Variants in ANKFN1 observed in about 807,000 individuals in gnomAD.
ANKFN1 encodes ankyrin repeat and fibronectin type-III domain-containing protein 1.
In ANKFN1, 74 loss-of-function variants were observed where a neutral mutation model predicts 108.7. The observed-to-expected ratio is 0.68, with a 90% CI of 0.56 to 0.83. The LOEUF (loss-of-function observed/expected upper bound fraction) is 0.83. ANKFN1 is among the 40% of genes least tolerant of loss of function. ANKFN1 has a pLI of 0.00. For missense variants in ANKFN1, 1,505 were observed against 1,382.3 expected, an observed-to-expected ratio of 1.09 and a Z score of -1.41; for synonymous variants, 547 against 516.2, an observed-to-expected ratio of 1.06 and a Z score of -0.81.
Position 56,484,826 on chromosome 17 carries a change from G to A in ANKFN1, c.2260+2302G>A, listed in dbSNP as rs75306539. Among the ~76,000 whole-genome samples, 117 of 152,286 alleles carry A rather than the reference G, an allele frequency of 7.7e-4. 4 individuals are homozygous for A. In the East Asian group the frequency reaches 0.011, roughly 14 times the overall value. The stretch of plus-strand genomic sequence containing the variant: ...CAGTCATTGTTATTCCATGATTACA[G>A]GCAAAAATACATGAAATTCATTTCC... On this transcript the variant is annotated intron_variant, in intron 18 of 20. Coordinates refer to ENST00000682825, the MANE Select transcript of ANKFN1 (RefSeq NM_001370326.1).
chr17:56,213,746 C>G (rs1360162732), intron 2 of ANKFN1, among the ~76,000 whole-genome samples: 1 of 152,230 alleles, frequency 6.6e-6, no homozygotes, highest in Non-Finnish European at 1.5e-5. Flanking sequence ...TTTGGGATTT[C>G]AGTCCACATA....
intron 11 of ANKFN1, 137 bp from the exon 12 acceptor site, chr17:56,456,724 C>G (rs1398405397): frequency 4.3e-6 from 3 of 703,734 alleles, no homozygotes; most frequent in Admixed American, 4.6e-5. Context: ...CATGAATGAG[C>G]AGAATCCCTA....
intron 3 of ANKFN1, among the ~76,000 whole-genome samples, chr17:56,306,190 A>G (rs1439671869): frequency 2.6e-5 from 4 of 152,234 alleles, no homozygotes; most frequent in African/African-American, 9.6e-5. Context: ...ATACCTAAAA[A>G]ACGTCTTGCT....
chr17:56,459,433 ATCTTC>A (rs2049829620), intron 14 of ANKFN1, among the ~76,000 whole-genome samples: 1 of 152,054 alleles, frequency 6.6e-6, no homozygotes, highest in Non-Finnish European at 1.5e-5. Context: ...TGATTGCATA[ATCTTC>A]TCTTCCAACT....
chr17:56,259,388 G>GA (rs1344295707), intron 3 of ANKFN1, among the ~76,000 whole-genome samples: 1 of 152,184 alleles, frequency 6.6e-6, no homozygotes, highest in Non-Finnish European at 1.5e-5. Context: ...TAATGTATAT[G>GA]ATATGCCAAA....
chr17:56,211,335 C>T (rs1914981063), intron 1 of ANKFN1, among the ~76,000 whole-genome samples: 1 of 152,144 alleles, frequency 6.6e-6, no homozygotes, highest in Non-Finnish European at 1.5e-5. Flanking sequence ...TGCCAATTAT[C>T]CCAGCACCAT....
intron 8 of ANKFN1, among the ~76,000 whole-genome samples, chr17:56,409,586 G>C (rs1198290150): frequency 1.3e-5 from 2 of 152,210 alleles, no homozygotes; most frequent in Non-Finnish European, 2.9e-5. Flanking sequence ...AATCCTGATA[G>C]CTGACTGCTC....
At chr17:56,477,797 CAG>C in intron 16 of ANKFN1, 143 bp downstream of exon 16, 1 of 823,720 alleles carries the variant, frequency 1.2e-6, no homozygotes, top group Non-Finnish European at 1.9e-6. Flanking sequence ...TGAAGTGGGG[CAG>C]AGCTTAGTTT....
At chr17:56,164,679 T>A (rs1909988539) in intron 1 of ANKFN1, among the ~76,000 whole-genome samples, 1 of 152,212 alleles carries the variant, frequency 6.6e-6, no homozygotes, top group Non-Finnish European at 1.5e-5. Context: ...GCCCCCAAGA[T>A]TCCAAGTTGA....
chr17:56,499,096 G>T lies in ANKFN1; in HGVS notation c.2642G>T (p.Ser881Ile). 2 of 1,535,334 alleles carry T rather than the reference G, an allele frequency of 1.3e-6. No homozygotes were observed. Among genetic ancestry groups the T allele is most frequent in the Non-Finnish European group, 1.7e-6 (2 of 1,146,390 alleles). ...GAGATGCACAGAAGAAAGACAGTGAGTGGTAAGCAATGAGATCTGAAGTTC... is the reference window on the plus strand; with the variant it reads ...GAGATGCACAGAAGAAAGACAGTGATTGGTAAGCAATGAGATCTGAAGTTC... ...SPEMHRRKTVSDSQPCSDEEA... is the reference protein window; with the variant it reads ...SPEMHRRKTVIDSQPCSDEEA... Residue 881 changes from serine to isoleucine, a missense_variant and splice_region_variant, in exon 20 of 21, where the codon AGT (serine) becomes ATT (isoleucine). Ser to Ile is a moderately radical substitution (Grantham distance 142, BLOSUM62 -2). Coordinates refer to ENST00000682825, the MANE Select transcript of ANKFN1 (RefSeq NM_001370326.1).
intron 4 of ANKFN1, among the ~76,000 whole-genome samples, chr17:56,330,457 G>T (rs1248545773): frequency 6.6e-6 from 1 of 152,112 alleles, no homozygotes; most frequent in African/African-American, 2.4e-5. Flanking sequence ...GGTGAGATTT[G>T]GGTGGAGACA....
At chr17:56,275,781 G>A (rs116928783) in intron 3 of ANKFN1, among the ~76,000 whole-genome samples, 2,234 of 152,282 alleles carry the variant, frequency 0.015, 21 homozygotes, top group Non-Finnish European at 0.021. Context: ...ATGAAAGACA[G>A]AAGGCAGGAA....
At chr17:56,217,030 C>T (rs1412361653) in intron 2 of ANKFN1, among the ~76,000 whole-genome samples, 1 of 152,228 alleles carries the variant, frequency 6.6e-6, no homozygotes, top group Non-Finnish European at 1.5e-5. Context: ...CTTAAAATCT[C>T]TGCAAAATCC....
rs535365693 is a variant in ANKFN1 at position 56,375,655 on chromosome 17, T to C, written c.910+941T>C. 6.6e-5 allele frequency among the ~76,000 whole-genome samples: 10 copies of C among 152,232 alleles called. No homozygotes were observed. In the South Asian group the frequency reaches 2.1e-3, roughly 32 times the overall value. On this transcript the variant is annotated intron_variant, in intron 8 of 20. Coordinates refer to ENST00000682825, the MANE Select transcript of ANKFN1 (RefSeq NM_001370326.1). Reference sequence around the variant, plus strand: ...AAGAAGGAAATGAATTATGAACCTATTCAAGAGGGAGGTCATGATAGCCTG... The same window carrying C: ...AAGAAGGAAATGAATTATGAACCTACTCAAGAGGGAGGTCATGATAGCCTG...
At chr17:56,200,991 C>T (rs1914006328) in intron 1 of ANKFN1, among the ~76,000 whole-genome samples, 1 of 152,142 alleles carries the variant, frequency 6.6e-6, no homozygotes, top group South Asian at 2.1e-4. Flanking sequence ...CCAGAATAGC[C>T]CCAGTGGGTA....
chr17:56,464,022 C>T (rs374217610), intron 14 of ANKFN1: 1 of 152,120 alleles, frequency 6.6e-6, no homozygotes, highest in Non-Finnish European at 1.5e-5. Flanking sequence ...GATCACCTAA[C>T]CTTGATTATG....
chr17:56,048,050 T>C (rs1904710563), intron 4 of ANKFN1, among the ~76,000 whole-genome samples: 1 of 152,258 alleles, frequency 6.6e-6, no homozygotes, highest in African/African-American at 2.4e-5. Context: ...GTATACATTT[T>C]TGACACGGTT....
At chr17:56,384,675 A>T (rs1431905088) in intron 8 of ANKFN1, among the ~76,000 whole-genome samples, 3 of 152,182 alleles carry the variant, frequency 2.0e-5, no homozygotes, top group Admixed American at 1.3e-4. Context: ...ATACACCAAT[A>T]TAGATAAACA....
intron 5 of ANKFN1, among the ~76,000 whole-genome samples, chr17:56,351,807 A>G (rs1291489301): frequency 1.3e-5 from 2 of 152,222 alleles, no homozygotes; most frequent in East Asian, 3.8e-4. Context: ...AGCTGAGAGC[A>G]TAATATTAAC....
Sources: gnomAD v4.1 joint callset for allele counts (sites outside exome capture counted in the v4.1 genomes callset) on GRCh38, gnomAD v4.1.1 for gene constraint, MANE v1.5 for transcripts, NCBI Gene and HGNC (gene_info 2026-07-23, HGNC 2026-07-21) for gene names.